Variants in SUGP1 observed in about 807,000 individuals in gnomAD.
SUGP1 encodes SURP and G-patch domain containing 1, also known as SURP and G-patch domain-containing protein 1.
A neutral mutation model predicts 76.5 loss-of-function variants in SUGP1; 34 were observed. The observed-to-expected ratio is 0.44, with a 90% CI of 0.34 to 0.59. SUGP1 has a LOEUF of 0.59. SUGP1 is among the 20% of genes least tolerant of loss of function. The pLI, the probability that SUGP1 is intolerant of heterozygous loss-of-function variation, is 0.01. For synonymous variants in SUGP1, 326 were observed against 326.2 expected, an observed-to-expected ratio of 1.00 and a Z score of 0.01; for missense variants, 752 against 851.7, an observed-to-expected ratio of 0.88 and a Z score of 1.46.
intron 8 of SUGP1, among the ~76,000 whole-genome samples, chr19:19,284,311 AGT>A (rs1198245743): frequency 6.6e-6 from 1 of 152,204 alleles, no homozygotes; most frequent in African/African-American, 2.4e-5. Context: ...AAGTGCCACT[AGT>A]GATGGCGGAA....
At chr19:19,320,401 C>T in intron 1 of SUGP1, 62 bp downstream of exon 1, 1 of 1,578,698 alleles carries the variant, frequency 6.3e-7, no homozygotes, top group Non-Finnish European at 8.6e-7. Flanking sequence ...CCCGAGGAGT[C>T]AGGGGAGACA....
chr19:19,284,101 G>A (rs1407629418), intron 8 of SUGP1, among the ~76,000 whole-genome samples: 1 of 152,194 alleles, frequency 6.6e-6, no homozygotes, highest in Non-Finnish European at 1.5e-5. Context: ...GTATTTTTCA[G>A]GTTTAGTGCA....
intron 8 of SUGP1, among the ~76,000 whole-genome samples, chr19:19,285,111 C>A (rs2061129816): frequency 1.3e-5 from 2 of 152,018 alleles, no homozygotes; most frequent in South Asian, 4.1e-4. Context: ...TCGTGATCCG[C>A]CCGCCTCGGC....
At chr19:19,304,256 C>A (rs771920240) in intron 4 of SUGP1, among the ~76,000 whole-genome samples, 9 of 152,116 alleles carry the variant, frequency 5.9e-5, no homozygotes, top group Non-Finnish European at 1.2e-4. Flanking sequence ...TTTAAACACA[C>A]TGGGTGGGTT....
At chr19:19,283,113 T>G (rs1250564753) in intron 8 of SUGP1, among the ~76,000 whole-genome samples, 1 of 151,818 alleles carries the variant, frequency 6.6e-6, no homozygotes, top group Non-Finnish European at 1.5e-5. Context: ...AATGAATGTA[T>G]AAGATATATG....
At chr19:19,316,269 G>C in intron 2 of SUGP1, 153 bp downstream of exon 2, 1 of 945,966 alleles carries the variant, frequency 1.1e-6, no homozygotes, top group Non-Finnish European at 1.5e-6. Context: ...TCTTGCCACA[G>C]TGAGCCTCCC....
At chr19:19,289,368 G>A (rs145956333) in intron 8 of SUGP1, among the ~76,000 whole-genome samples, 33 of 152,028 alleles carry the variant, frequency 2.2e-4, no homozygotes, top group African/African-American at 7.0e-4. Context: ...TTGGGAGGCC[G>A]AGGCGGGGAG....
rs539044521 is a variant in SUGP1, at chr19:19,291,656, G to A, written c.1243+5333C>T. ...TGTAATCCCAGCAATTTGGGAGGCCGAAGCGGGTGGATCACGAGGTCAGGA... is the reference window on the plus strand; with the variant it reads ...TGTAATCCCAGCAATTTGGGAGGCCAAAGCGGGTGGATCACGAGGTCAGGA... On this transcript the variant is annotated intron_variant, in intron 8 of 13. Coordinates refer to ENST00000247001, the MANE Select transcript of SUGP1 (RefSeq NM_172231.4). Among the ~76,000 whole-genome samples, 12 of 152,160 alleles carry A rather than the reference G, an allele frequency of 7.9e-5. No homozygotes were observed. In the South Asian group the frequency reaches 8.3e-4, roughly 11 times the overall value.
intron 1 of SUGP1, among the ~76,000 whole-genome samples, 170 bp downstream of exon 1, chr19:19,320,293 C>A (rs1276444524): frequency 6.6e-6 from 1 of 152,198 alleles, no homozygotes; most frequent in Non-Finnish European, 1.5e-5. Flanking sequence ...GGCCAGCAAC[C>A]TGGGTCTGGG....
Position 19,297,289 on chromosome 19 carries a change from C to G in SUGP1, c.943G>C (p.Glu315Gln). Reference protein sequence around the residue: ...GYKYYRQKLEEFRKAKASSTG... With the variant: ...GYKYYRQKLEQFRKAKASSTG... ...GAGCTGGCCTTGGCTTTCCGGAACT[C>G]CTCCAGCTTCTGTCGGTAGTACTTG... Residue 315 changes from glutamate to glutamine, a missense_variant, in exon 8 of 14, where the codon GAG becomes CAG. Physicochemically the swap from Glu to Gln is conservative, Grantham distance 29 (BLOSUM62 2). Coordinates refer to ENST00000247001, the MANE Select transcript of SUGP1 (RefSeq NM_172231.4). The G allele has an allele frequency of 6.5e-7, 1 of 1,547,610 alleles. No individual in the cohort carries two copies. Among genetic ancestry groups the G allele is most frequent in the South Asian group, 1.2e-5 (1 of 82,306 alleles).
At chr19:19,298,368 C>T (rs906087821) in intron 7 of SUGP1, among the ~76,000 whole-genome samples, 1 of 152,146 alleles carries the variant, frequency 6.6e-6, no homozygotes, top group Admixed American at 6.5e-5. Flanking sequence ...CGTGGTGGTA[C>T]ACGCCTGTAG....
chr19:19,280,549 C>CA (rs2061090504), intron 8 of SUGP1: 1 of 454,382 alleles, frequency 2.2e-6, no homozygotes, highest in Admixed American at 3.5e-5. Flanking sequence ...ATGTGGACAC[C>CA]AAGAATCAGA....
At position 19,296,998 on chromosome 19, in the gene SUGP1, G is replaced by A; in HGVS notation, c.1234C>T (p.Pro412Ser). ...VQRDVDASPSPLSVQDLKGLG... is the reference protein window; with the variant it reads ...VQRDVDASPSSLSVQDLKGLG... ...GAGAGGGTCTGCCCACCTGACAGAGGCGAGGGAGAGGCATCCACGTCCCTC... is the reference window on the plus strand; with the variant it reads ...GAGAGGGTCTGCCCACCTGACAGAGACGAGGGAGAGGCATCCACGTCCCTC... The change falls in exon 8 of 14, where the codon CCT (proline) becomes TCT (serine). Residue 412 changes from proline to serine, a missense_variant. Pro to Ser is a moderately conservative substitution (Grantham distance 74, BLOSUM62 -1). Coordinates refer to ENST00000247001, the MANE Select transcript of SUGP1 (RefSeq NM_172231.4). 1 of 1,578,016 alleles carries A rather than the reference G, an allele frequency of 6.3e-7. No homozygotes were observed. Among genetic ancestry groups the A allele is most frequent in the Non-Finnish European group, 8.7e-7 (1 of 1,155,546 alleles).
chr19:19,303,974 G>T (rs1474116489), intron 4 of SUGP1, 127 bp from the exon 5 acceptor site: 27 of 1,596,502 alleles, frequency 1.7e-5, no homozygotes, highest in Non-Finnish European at 2.3e-5. Context: ...GAGGCTGTCG[G>T]GCGTCCCGAG....
chr19:19,320,259 G>A (rs1199998133), intron 1 of SUGP1, among the ~76,000 whole-genome samples: 1 of 152,228 alleles, frequency 6.6e-6, no homozygotes, highest in East Asian at 1.9e-4. Context: ...AGATCCGTGC[G>A]TCCTCAGCAA....
At chr19:19,280,380 T>C in intron 8 of SUGP1, 89 bp from the exon 9 acceptor site, 1 of 1,132,144 alleles carries the variant, frequency 8.8e-7, no homozygotes, top group Non-Finnish European at 1.3e-6. Context: ...GTCTCACACC[T>C]TCATGACACT....
At chr19:19,286,294 G>T in intron 8 of SUGP1, among the ~76,000 whole-genome samples, 1 of 152,102 alleles carries the variant, frequency 6.6e-6, no homozygotes, top group Admixed American at 6.6e-5. Context: ...TCTAGATTGG[G>T]GGGTCGTAAA....
intron 11 of SUGP1, among the ~76,000 whole-genome samples, chr19:19,278,425 T>G (rs543155134): frequency 6.6e-4 from 101 of 152,314 alleles, no homozygotes; most frequent in Admixed American, 2.4e-3. Context: ...ACTTTGCCTG[T>G]AAACTGCACT....
chr19:19,294,008 G>C (rs1397082268), intron 8 of SUGP1, among the ~76,000 whole-genome samples: 1 of 151,268 alleles, frequency 6.6e-6, no homozygotes, highest in Non-Finnish European at 1.5e-5. Context: ...AACATAGTGG[G>C]ACCTCATATC....
Sources: gnomAD v4.1 joint callset for allele counts (sites outside exome capture counted in the v4.1 genomes callset) on GRCh38, gnomAD v4.1.1 for gene constraint, MANE v1.5 for transcripts, NCBI Gene and HGNC (gene_info 2026-07-23, HGNC 2026-07-21) for gene names.